Variants in SEMA3D observed in about 807,000 individuals in gnomAD.
SEMA3D encodes the protein semaphorin-3D.
In SEMA3D, 84 loss-of-function variants were observed where a neutral mutation model predicts 100.1. The ratio of observed to expected loss-of-function variants is 0.84; its 90% CI spans 0.70 to 1.01. The LOEUF is 1.01. SEMA3D is among the 50% of genes least tolerant of loss of function. The pLI is 0.00. For synonymous variants in SEMA3D, 312 were observed against 320.7 expected (o/e 0.97, Z 0.29); for missense variants, 875 against 934.1 (o/e 0.94, Z 0.82).
Position 85,006,928 on chromosome 7 carries a change from T to G in SEMA3D, c.1782A>C (p.Glu594Asp), listed in dbSNP as rs571261321. ...CWDIEDSISH[E>D]TADEKVIFGI... ...CAAAAATCACCTTTTCATCAGCAGTTTCATGACTAATGCCTGGAAAGCAAA... is the reference window on the plus strand; with the variant it reads ...CAAAAATCACCTTTTCATCAGCAGTGTCATGACTAATGCCTGGAAAGCAAA... Residue 594 changes from glutamate to aspartate, a missense_variant, in exon 18 of 19, where the codon GAA becomes GAC. Transcript: ENST00000284136. 3 of 1,610,006 alleles carry G rather than the reference T, an allele frequency of 1.9e-6. No individual in the cohort carries two copies. In the African/African-American group the frequency reaches 4.0e-5, roughly 22 times the overall value.
At chr7:85,084,312 C>A (rs976183946) in intron 4 of SEMA3D, among the ~76,000 whole-genome samples, 2 of 152,100 alleles carry the variant, frequency 1.3e-5, no homozygotes, top group African/African-American at 2.4e-5. Flanking sequence ...ACCATTTTAA[C>A]AATTTTCAGT....
chr7:85,091,397 T>A (rs1788389429), intron 4 of SEMA3D, among the ~76,000 whole-genome samples: 1 of 151,952 alleles, frequency 6.6e-6, no homozygotes, highest in Admixed American at 6.6e-5. Context: ...AGTAACATTT[T>A]CATATGGAAG....
In SEMA3D at chr7:85,036,917, C is replaced by T. The variant is rs1562791968; in HGVS notation, c.1163G>A (p.Gly388Glu). The change falls in exon 12 of 19, where the codon GGG (glycine) becomes GAG (glutamate). Residue 388 changes from glycine (G) to glutamate (E), a missense_variant. Transcript: ENST00000284136. ...SADHRWVQYD[G>E]RIPYPRPGTC... ...ACCAGGCCGTGGATAAGGAATTCTC[C>T]CATCATACTGCACCCAACGATGGTC... is the stretch of plus-strand genomic sequence containing the variant. The T allele has an allele frequency of 6.2e-7, 1 of 1,613,100 alleles. No homozygotes were observed. Among genetic ancestry groups the T allele is most frequent in the Non-Finnish European group, 8.5e-7 (1 of 1,179,352 alleles).
At chr7:85,135,864 C>T (rs150985299) in intron 2 of SEMA3D, among the ~76,000 whole-genome samples, 1 of 151,466 alleles carries the variant, frequency 6.6e-6, no homozygotes, top group Admixed American at 6.6e-5. Flanking sequence ...CTTCTCTCTT[C>T]CTGTGAATTG....
chr7:85,102,191 A>T (rs1788767968), intron 3 of SEMA3D, among the ~76,000 whole-genome samples: 1 of 152,060 alleles, frequency 6.6e-6, no homozygotes, highest in Non-Finnish European at 1.5e-5. Flanking sequence ...GTGATATTTG[A>T]GCACAGCCTT....
the SEMA3D span, among the ~76,000 whole-genome samples, chr7:85,220,730 A>C: frequency 6.6e-6 from 1 of 152,154 alleles, no homozygotes; most frequent in Non-Finnish European, 1.5e-5. Flanking sequence ...TTGCCTGATA[A>C]AGAAACAGTG....
At chr7:85,177,360 A>G (rs925524602) in intron 1 of SEMA3D, among the ~76,000 whole-genome samples, 4 of 152,134 alleles carry the variant, frequency 2.6e-5, no homozygotes, top group Admixed American at 6.6e-5. Flanking sequence ...TAGTCATGGT[A>G]TATATATTAT....
chr7:85,019,256 G>A (rs969763311), intron 14 of SEMA3D, among the ~76,000 whole-genome samples: 2 of 151,668 alleles, frequency 1.3e-5, no homozygotes, highest in Admixed American at 6.6e-5. Context: ...ACCATTGAAC[G>A]AGACTTGTTC....
the SEMA3D span, among the ~76,000 whole-genome samples, chr7:85,222,732 A>C: frequency 6.6e-6 from 1 of 152,212 alleles, no homozygotes; most frequent in East Asian, 1.9e-4. Flanking sequence ...CATCATCAAC[A>C]AAGAATGCGA....
chr7:85,226,085 A>G, the SEMA3D span, among the ~76,000 whole-genome samples: 12 of 152,162 alleles, frequency 7.9e-5, no homozygotes, highest in African/African-American at 2.9e-4. Flanking sequence ...CATATTTTTA[A>G]ACAAACACAT....
intron 5 of SEMA3D, among the ~76,000 whole-genome samples, chr7:85,074,175 G>A (rs1483548094): frequency 6.6e-6 from 1 of 152,132 alleles, no homozygotes; most frequent in Non-Finnish European, 1.5e-5. Flanking sequence ...CAGGAGACAG[G>A]CAAGTGTTGG....
At chr7:85,246,953 A>G in the SEMA3D span, among the ~76,000 whole-genome samples, 1 of 152,026 alleles carries the variant, frequency 6.6e-6, no homozygotes, top group Non-Finnish European at 1.5e-5. Flanking sequence ...AAAAGCTAAA[A>G]AAAAAATAAT....
intron 11 of SEMA3D, among the ~76,000 whole-genome samples, chr7:85,039,081 T>C (rs527788760): frequency 6.6e-6 from 1 of 152,220 alleles, no homozygotes; most frequent in Non-Finnish European, 1.5e-5. Flanking sequence ...TCAATATACA[T>C]TGATAAAGTT....
the SEMA3D span, among the ~76,000 whole-genome samples, chr7:85,205,647 T>C: frequency 6.6e-6 from 1 of 152,102 alleles, no homozygotes; most frequent in Non-Finnish European, 1.5e-5. Flanking sequence ...TTCTTTTGCC[T>C]CTTTCCCCTA....
At chr7:85,199,392 A>G in the SEMA3D span, among the ~76,000 whole-genome samples, 1 of 151,956 alleles carries the variant, frequency 6.6e-6, no homozygotes, top group Non-Finnish European at 1.5e-5. Context: ...AGTGTTTTTC[A>G]GTTTCCTTTG....
chr7:85,115,842 T>A (rs962597944), intron 3 of SEMA3D, among the ~76,000 whole-genome samples: 2 of 152,152 alleles, frequency 1.3e-5, no homozygotes, highest in Non-Finnish European at 2.9e-5. Flanking sequence ...TTTGGCCTGT[T>A]CTAGAACTTC....
rs1789558956 is a variant in SEMA3D at position 84,998,296 on chromosome 7, A to ATT, written c.*1143_*1144insAA. On this transcript the variant is annotated 3_prime_UTR_variant, in exon 19 of 19. Coordinates refer to ENST00000284136, the MANE Select transcript of SEMA3D (RefSeq NM_001384900.1). ...AGAATAAAGGCAGTAAAAAGAAATAATATACAGAGTATGATAAATATTTTT... is the reference window on the plus strand; with the variant it reads ...AGAATAAAGGCAGTAAAAAGAAATAATTTATACAGAGTATGATAAATATTTTT... 6.6e-6 allele frequency: 1 copy of ATT among 152,200 alleles called. No homozygotes were observed. The highest frequency in any genetic ancestry group is 1.5e-5 in the Non-Finnish European group (1 of 68,016). The allele number at this position is 152,200 out of a possible 1,614,324, so 9.4% of individuals were successfully genotyped here. A position where few individuals can be genotyped will look rare whatever the true frequency, so the allele number is the denominator to read the frequency against.
chr7:85,181,379 T>C (rs1326107705), intron 1 of SEMA3D, among the ~76,000 whole-genome samples: 1 of 150,596 alleles, frequency 6.6e-6, no homozygotes, highest in Non-Finnish European at 1.5e-5. Flanking sequence ...GCTAGAGTTG[T>C]ATTGAAAAGA....
At chr7:85,119,818 T>C (rs1156659043) in intron 3 of SEMA3D, among the ~76,000 whole-genome samples, 2 of 152,160 alleles carry the variant, frequency 1.3e-5, no homozygotes, top group East Asian at 3.9e-4. Flanking sequence ...CCAGGTTTGG[T>C]AAACTTTTAA....
Sources: gnomAD v4.1 joint callset for allele counts (sites outside exome capture counted in the v4.1 genomes callset) on GRCh38, gnomAD v4.1.1 for gene constraint, MANE v1.5 for transcripts, NCBI Gene and HGNC (gene_info 2026-07-23, HGNC 2026-07-21) for gene names.